The following GNB1L variants were observed in gnomAD, a reference collection of about 807,000 sequenced individuals.
GNB1L encodes G protein subunit beta 1 like.
A neutral mutation model predicts 29.1 loss-of-function variants in GNB1L; 20 were observed. That is an observed-to-expected ratio of 0.69 (90% CI 0.48 to 1.00). The LOEUF is 1.00. GNB1L is among the 50% of genes least tolerant of loss of function. The probability of loss-of-function intolerance (pLI) is 0.00; values close to 1 mark genes in which losing one functional copy is unlikely to be tolerated. For synonymous variants in GNB1L, 193 were observed against 206.5 expected (o/e 0.93, Z 0.56); for missense variants, 421 against 464.9 (o/e 0.91, Z 0.87).
intron 5 of GNB1L, among the ~76,000 whole-genome samples, chr22:19,811,922 C>T (rs571594419): frequency 2.0e-5 from 3 of 152,304 alleles, no homozygotes; most frequent in Admixed American, 6.5e-5. Context: ...CTAAGGTCCT[C>T]AGGGCCTGAG....
chr22:19,818,180 C>G (rs1368249469), intron 4 of GNB1L, among the ~76,000 whole-genome samples: 6 of 152,258 alleles, frequency 3.9e-5, no homozygotes, highest in Admixed American at 2.0e-4. Flanking sequence ...CAGCACCATC[C>G]CAGCAGGAAG....
chr22:19,804,993 C>A (rs957751021), intron 6 of GNB1L, among the ~76,000 whole-genome samples: 1 of 152,198 alleles, frequency 6.6e-6, no homozygotes, highest in Non-Finnish European at 1.5e-5. Flanking sequence ...TTCCTCCCAG[C>A]GGAGCCCATG....
chr22:19,844,372 G>A (rs1937917157), intron 2 of GNB1L, among the ~76,000 whole-genome samples: 2 of 152,254 alleles, frequency 1.3e-5, no homozygotes, highest in African/African-American at 2.4e-5. Flanking sequence ...CACCCACCAC[G>A]CTGGCAGGGG....
chr22:19,854,370 C>G (rs577593525), intron 2 of GNB1L, 73 bp downstream of exon 2: 88 of 152,876 alleles, frequency 5.8e-4, no homozygotes, highest in African/African-American at 1.9e-3. Flanking sequence ...ACGACTGCAC[C>G]GCCCGCCCCC....
intron 6 of GNB1L, among the ~76,000 whole-genome samples, chr22:19,806,291 G>A (rs559762688): frequency 2.1e-4 from 32 of 152,376 alleles, no homozygotes; most frequent in Non-Finnish European, 3.8e-4. Context: ...GTTAGTCAGC[G>A]TGGCCTGCCC....
At chr22:19,845,485 CA>C (rs1937941493) in intron 2 of GNB1L, among the ~76,000 whole-genome samples, 1 of 152,246 alleles carries the variant, frequency 6.6e-6, no homozygotes, top group South Asian at 2.1e-4. Context: ...ATGTCCTGTG[CA>C]CCCAGCTGGC....
At chr22:19,792,788 G>A (rs1937266545) in intron 7 of GNB1L, 2 of 1,431,852 alleles carry the variant, frequency 1.4e-6, no homozygotes, top group East Asian at 2.3e-5. Flanking sequence ...ATCCCATCGA[G>A]CTGGTTGTCT....
At chr22:19,826,782 C>G (rs1937622796) in intron 2 of GNB1L, among the ~76,000 whole-genome samples, 3 of 152,202 alleles carry the variant, frequency 2.0e-5, no homozygotes. Context: ...ACTGGCATTG[C>G]TTATCTCCTG....
chr22:19,832,140 G>C (rs1047726595), intron 2 of GNB1L, among the ~76,000 whole-genome samples: 1 of 151,978 alleles, frequency 6.6e-6, no homozygotes, highest in Non-Finnish European at 1.5e-5. Context: ...GACCAGCCTG[G>C]GCAACATAGT....
At chr22:19,844,112 C>T (rs1937910901) in intron 2 of GNB1L, among the ~76,000 whole-genome samples, 1 of 152,194 alleles carries the variant, frequency 6.6e-6, no homozygotes, top group Admixed American at 6.5e-5. Flanking sequence ...AGGTGGGGCC[C>T]AGCACGGTGC....
intron 2 of GNB1L, chr22:19,846,871 AGTCCCC>A: frequency 1.4e-5 from 13 of 937,852 alleles, no homozygotes; most frequent in Non-Finnish European, 1.5e-5. Flanking sequence ...CTGTTGTTTA[AGTCCCC>A]TAGCCTGCGG....
Position 19,837,030 on chromosome 22 carries a change from G to A in GNB1L, c.-20-15655C>T, listed in dbSNP as rs541921579. On this transcript the variant is annotated intron_variant, in intron 2 of 7. Coordinates refer to ENST00000329517, the MANE Select transcript of GNB1L (RefSeq NM_053004.3). ...TGCCCAGACTGGAGTGCAGTGGCGCGATCTCGGCTCACTGCAAGCTCTGCC... is the reference window on the plus strand; with the variant it reads ...TGCCCAGACTGGAGTGCAGTGGCGCAATCTCGGCTCACTGCAAGCTCTGCC... 1.1e-3 allele frequency among the ~76,000 whole-genome samples: 168 copies of A among 151,092 alleles called. 2 individuals are homozygous for A. The highest frequency in any genetic ancestry group is 3.9e-3 in the African/African-American group (162 of 41,074).
intron 2 of GNB1L, among the ~76,000 whole-genome samples, chr22:19,824,288 G>A (rs1937602066): frequency 2.0e-5 from 3 of 152,356 alleles, no homozygotes; most frequent in Admixed American, 1.3e-4. Flanking sequence ...ATCTAATTGA[G>A]AATCATCACA....
At chr22:19,798,186 G>A (rs1937329111) in intron 7 of GNB1L, among the ~76,000 whole-genome samples, 1 of 152,206 alleles carries the variant, frequency 6.6e-6, no homozygotes, top group Non-Finnish European at 1.5e-5. Context: ...GTCAAGTCCA[G>A]CACCTGCTGC....
intron 2 of GNB1L, chr22:19,851,529 C>G (rs1471593567): frequency 2.5e-6 from 4 of 1,613,928 alleles, no homozygotes; most frequent in Non-Finnish European, 3.4e-6. Flanking sequence ...GAGTTGGACC[C>G]AGACACAGCA....
intron 7 of GNB1L, chr22:19,792,822 A>T (rs1937267121): frequency 7.8e-7 from 1 of 1,280,374 alleles, no homozygotes; most frequent in South Asian, 1.2e-5. Flanking sequence ...GTGTCGTAAA[A>T]TGGGGGTCCC....
At chr22:19,790,228 G>A (rs923843760) in intron 7 of GNB1L, among the ~76,000 whole-genome samples, 1 of 150,132 alleles carries the variant, frequency 6.7e-6, no homozygotes, top group African/African-American at 2.4e-5. Flanking sequence ...TTGCCTATAG[G>A]ATCAGCTCTA....
intron 4 of GNB1L, among the ~76,000 whole-genome samples, chr22:19,818,692 C>A (rs1937554863): frequency 6.6e-6 from 1 of 152,212 alleles, no homozygotes; most frequent in Non-Finnish European, 1.5e-5. Context: ...AGCAGGAGAA[C>A]AGGCCTGTCC....
intron 4 of GNB1L, among the ~76,000 whole-genome samples, chr22:19,815,448 G>A (rs1937520642): frequency 6.6e-6 from 1 of 152,230 alleles, no homozygotes; most frequent in Non-Finnish European, 1.5e-5. Flanking sequence ...CAGGGAGGCC[G>A]AGATGGGGGT....
Sources: gnomAD v4.1 joint callset for allele counts (sites outside exome capture counted in the v4.1 genomes callset) on GRCh38, gnomAD v4.1.1 for gene constraint, MANE v1.5 for transcripts, NCBI Gene and HGNC (gene_info 2026-07-23, HGNC 2026-07-21) for gene names.